TMEM14B: variants seen among roughly 807,000 people sequenced by gnomAD.
TMEM14B encodes transmembrane protein 14B.
Under a neutral mutation model 14.8 loss-of-function variants are expected in TMEM14B, and 9 were observed. That is an observed-to-expected ratio of 0.61 (90% CI 0.37 to 1.06). The LOEUF is 1.06. Ranked by LOEUF, TMEM14B falls within the 50% of genes least tolerant of loss-of-function variation. TMEM14B has a pLI of 0.01. For missense variants in TMEM14B, 128 were observed against 143.6 expected (o/e 0.89, Z 0.56); for synonymous variants, 40 against 51.3 (o/e 0.78, Z 0.94).
At chr6:10,759,460 T>C (rs766291493), downstream of TMEM14B, 2 of 152,274 alleles carry the variant, frequency 1.3e-5, no homozygotes, top group Non-Finnish European at 2.9e-5. Flanking sequence ...TGCAAAGGAA[T>C]CTGTAGGTTA....
At chr6:10,754,903 A>C (rs1207728409) in intron 4 of TMEM14B, among the ~76,000 whole-genome samples, 1 of 152,232 alleles carries the variant, frequency 6.6e-6, no homozygotes, top group Non-Finnish European at 1.5e-5. Flanking sequence ...GCAGAAGACA[A>C]GTGGTAAGAG....
chr6:10,750,171 C>CTTT (rs1259097930), intron 3 of TMEM14B: 2 of 166,820 alleles, frequency 1.2e-5, no homozygotes, highest in African/African-American at 4.9e-5. Flanking sequence ...TCCTGATCTT[C>CTTT]TATTTTTTTT....
downstream of TMEM14B, among the ~76,000 whole-genome samples, chr6:10,758,787 G>T (rs1451647126): frequency 6.6e-6 from 1 of 152,042 alleles, no homozygotes; most frequent in African/African-American, 2.4e-5. Context: ...TTTGTGAGTT[G>T]TCTGAGAAAT....
intron 4 of TMEM14B, among the ~76,000 whole-genome samples, 197 bp from the exon 5 acceptor site, chr6:10,754,945 T>A (rs140509123): frequency 2.0e-5 from 3 of 152,330 alleles, no homozygotes; most frequent in Non-Finnish European, 4.4e-5. Context: ...GGGCCCAGGC[T>A]GTGAAGGGCC....
chr6:10,750,185 A>T (rs114802044), intron 3 of TMEM14B: 1,830 of 165,154 alleles, frequency 0.011, 46 homozygotes, highest in African/African-American at 0.043. Context: ...TTTTTTTTTA[A>T]CTGCCTGGCC....
downstream of TMEM14B, among the ~76,000 whole-genome samples, chr6:10,758,612 C>CGGTATAGAAATA (rs1186404548): frequency 5.9e-5 from 9 of 151,948 alleles, no homozygotes; most frequent in African/African-American, 2.2e-4. Context: ...TAAACAAAGG[C>CGGTATAGAAATA]AGTATAGAAA....
chr6:10,748,995 C>T (rs766352736), intron 1 of TMEM14B, among the ~76,000 whole-genome samples: 3 of 152,178 alleles, frequency 2.0e-5, no homozygotes, highest in African/African-American at 2.4e-5. Context: ...GGCATCTGTT[C>T]AGGGTTTACT....
rs200034112 is a variant in TMEM14B at position 10,749,232 on chromosome 6, C to A, written c.-14C>A. On this transcript the variant is annotated 5_prime_UTR_variant, in exon 2 of 6. It adds an upstream start codon to the 5' untranslated region. Coordinates refer to ENST00000379542, the MANE Select transcript of TMEM14B (RefSeq NM_030969.5). ...GGCCTGGGGTAGTCTCCTTTCTGGA[C>A]TGAGAAGAGAAGAATGGAGAAGCCC... 3 of 1,614,042 alleles carry A rather than the reference C, an allele frequency of 1.9e-6. No homozygotes were observed. The highest frequency in any genetic ancestry group is 2.5e-6 in the Non-Finnish European group (3 of 1,180,012).
intron 4 of TMEM14B, 33 bp from the exon 5 acceptor site, chr6:10,755,109 A>C: frequency 6.2e-7 from 1 of 1,610,976 alleles, no homozygotes; most frequent in Non-Finnish European, 8.5e-7. Flanking sequence ...TAGAAGACTA[A>C]TGAGTTTTGA....
chr6:10,748,969 C>T (rs1337094273), intron 1 of TMEM14B, among the ~76,000 whole-genome samples: 1 of 152,166 alleles, frequency 6.6e-6, no homozygotes, highest in Non-Finnish European at 1.5e-5. Context: ...TTCCTGTGGA[C>T]CTATGTGAAA....
intron 5 of TMEM14B, 81 bp from the exon 6 acceptor site, chr6:10,756,386 C>T (rs1211600980): frequency 6.6e-7 from 1 of 1,520,968 alleles, no homozygotes; most frequent in Non-Finnish European, 9.0e-7. Flanking sequence ...TGTGAGGAAC[C>T]TGCAGAGTTT....
rs764921030 is a variant in TMEM14B, at chr6:10,751,183, C to T, written c.151C>T (p.Leu51=). ...AGLLFGSLAG[L]GAYQLYQDPR... ...GCTGCTCTTCGGCAGTCTAGCCGGC[C>T]TGGGTGCTTACCAGCTGTATCAGGA... is the stretch of plus-strand genomic sequence containing the variant. Residue 51 remains leucine, a synonymous_variant, in exon 4 of 6, where the codon CTG becomes TTG. Coordinates refer to ENST00000379542, the MANE Select transcript of TMEM14B (RefSeq NM_030969.5). The T allele has an allele frequency of 6.2e-6, 10 of 1,613,990 alleles. No homozygotes were observed. The highest frequency in any genetic ancestry group is 3.3e-5 in the Admixed American group (2 of 60,002).
Position 10,751,175 on chromosome 6 carries a change from T to G in TMEM14B, c.143T>G (p.Leu48Arg). The G allele has an allele frequency of 6.2e-7, 1 of 1,613,986 alleles. No individual in the cohort carries two copies. The highest frequency in any genetic ancestry group is 8.5e-7 in the Non-Finnish European group (1 of 1,180,008). The change falls in exon 4 of 6, where the codon CTA (leucine) becomes CGA (arginine). Residue 48 changes from leucine (L) to arginine (R), a missense_variant. Leu to Arg is a moderately radical substitution (Grantham distance 102, BLOSUM62 -2). Coordinates refer to ENST00000379542, the MANE Select transcript of TMEM14B (RefSeq NM_030969.5). ...GCTGCAGGGCTGCTCTTCGGCAGTCTAGCCGGCCTGGGTGCTTACCAGCTG... is the reference window on the plus strand; with the variant it reads ...GCTGCAGGGCTGCTCTTCGGCAGTCGAGCCGGCCTGGGTGCTTACCAGCTG... ...SLAAGLLFGS[L>R]AGLGAYQLYQ...
At chr6:10,751,687 C>T (rs1464060773) in intron 4 of TMEM14B, among the ~76,000 whole-genome samples, 1 of 152,048 alleles carries the variant, frequency 6.6e-6, no homozygotes, top group African/African-American at 2.4e-5. Context: ...TTTGCAGCTG[C>T]GTTACGTTTT....
intron 4 of TMEM14B, among the ~76,000 whole-genome samples, chr6:10,752,249 C>G (rs1771609094): frequency 6.6e-6 from 1 of 151,936 alleles, no homozygotes; most frequent in Admixed American, 6.6e-5. Flanking sequence ...ACTCCTGGAG[C>G]CTTTAATCTC....
intron 4 of TMEM14B, 65 bp downstream of exon 4, chr6:10,751,299 C>G (rs1771555623): frequency 6.3e-7 from 1 of 1,579,256 alleles, no homozygotes. Context: ...CCAAAAGACC[C>G]TGGTTTGGTG....
chr6:10,751,845 G>A (rs183549588), intron 4 of TMEM14B, among the ~76,000 whole-genome samples: 14 of 152,228 alleles, frequency 9.2e-5, no homozygotes, highest in African/African-American at 2.7e-4. Flanking sequence ...TGAGCAGCAC[G>A]GACAGTGAGG....
rs1771767871 is a variant in TMEM14B, at chr6:10,755,455, C to T, written c.293+223C>T. The stretch of plus-strand genomic sequence containing the variant: ...GTGGAGATGGCTTTGTTCTCTGGTC[C>T]TAGCTCCTTCCTATATGGTGGCAGA... On this transcript the variant is annotated intron_variant, in intron 5 of 5. Transcript: ENST00000379542. 1.7e-5 allele frequency: 24 copies of T among 1,443,044 alleles called. No individual in the cohort carries two copies. The Middle Eastern group carries it at 7.4e-4, about 44-fold the overall frequency. 89.4% of individuals were successfully genotyped at this position (1,443,044 alleles called of 1,614,324 possible).
At chr6:10,748,298 TG>T (rs1330053296) in intron 1 of TMEM14B, among the ~76,000 whole-genome samples, 3 of 152,000 alleles carry the variant, frequency 2.0e-5, no homozygotes. Flanking sequence ...CAGCCTGGAG[TG>T]CAGTAGCCTG....
Sources: gnomAD v4.1 joint callset for allele counts (sites outside exome capture counted in the v4.1 genomes callset) on GRCh38, gnomAD v4.1.1 for gene constraint, MANE v1.5 for transcripts, NCBI Gene and HGNC (gene_info 2026-07-23, HGNC 2026-07-21) for gene names.